SGCZ: variants seen among roughly 807,000 people sequenced by gnomAD.
SGCZ encodes sarcoglycan zeta.
SGCZ carries 40 observed loss-of-function variants against 41.3 expected under a neutral mutation model. That is an observed-to-expected ratio of 0.97 (90% CI 0.75 to 1.26). The LOEUF is 1.26. Ranked by LOEUF, SGCZ falls within the 50% of genes most tolerant of loss-of-function variation. The probability of loss-of-function intolerance (pLI) is 0.00; values close to 1 mark genes in which losing one functional copy is unlikely to be tolerated. For missense variants in SGCZ, 552 were observed against 369.8 expected, an observed-to-expected ratio of 1.49 and a Z score of -4.04; for synonymous variants, 206 against 137.5, an observed-to-expected ratio of 1.50 and a Z score of -3.49.
intron 1 of SGCZ, among the ~76,000 whole-genome samples, chr8:14,590,261 G>A (rs1049991519): frequency 6.6e-6 from 1 of 151,842 alleles, no homozygotes; most frequent in South Asian, 2.1e-4. Context: ...AATATGGTGT[G>A]GTAAGTCATA....
chr8:14,603,248 A>G (rs1183039831), intron 1 of SGCZ, among the ~76,000 whole-genome samples: 1 of 152,200 alleles, frequency 6.6e-6, no homozygotes, highest in Non-Finnish European at 1.5e-5. Flanking sequence ...GTCACTCAGC[A>G]ACGTTAGACA....
intron 1 of SGCZ, among the ~76,000 whole-genome samples, chr8:14,791,237 A>T (rs989984397): frequency 1.3e-5 from 2 of 152,030 alleles, no homozygotes; most frequent in Non-Finnish European, 2.9e-5. Flanking sequence ...TAAATTGTAC[A>T]TTACTTCTTT....
At chr8:14,305,648 C>T (rs75461288) in intron 3 of SGCZ, among the ~76,000 whole-genome samples, 7,497 of 152,234 alleles carry the variant, frequency 0.049, 202 homozygotes, top group Middle Eastern at 0.092. Context: ...AGCTATAAAA[C>T]TATTAAGACA....
intron 1 of SGCZ, among the ~76,000 whole-genome samples, chr8:15,089,932 A>G (rs557803454): frequency 6.6e-6 from 1 of 152,338 alleles, no homozygotes; most frequent in South Asian, 2.1e-4. Flanking sequence ...GCATTTTTTC[A>G]CTAAATATAG....
At chr8:14,385,486 G>C (rs767857385) in intron 2 of SGCZ, among the ~76,000 whole-genome samples, 1 of 152,110 alleles carries the variant, frequency 6.6e-6, no homozygotes, top group Non-Finnish European at 1.5e-5. Flanking sequence ...TTGTGCTATG[G>C]TCCACACCAT....
intron 2 of SGCZ, among the ~76,000 whole-genome samples, chr8:14,480,503 C>A (rs1254711621): frequency 1.3e-5 from 2 of 152,074 alleles, no homozygotes; most frequent in Admixed American, 6.5e-5. Context: ...TACTTAAATC[C>A]ACTTTCATGA....
intron 1 of SGCZ, among the ~76,000 whole-genome samples, chr8:15,226,459 C>T (rs1204427879): frequency 6.6e-6 from 1 of 152,108 alleles, no homozygotes; most frequent in Non-Finnish European, 1.5e-5. Context: ...TTTCACCAAA[C>T]TGAACATTTT....
rs530368829 is a variant in SGCZ, at chr8:14,513,613, G to C, written c.234+41119C>G. On this transcript the variant is annotated intron_variant, in intron 2 of 7. Coordinates refer to ENST00000382080, the MANE Select transcript of SGCZ (RefSeq NM_139167.4). ...TATCTAAGAAAGAGATAATCCAATAGATGCATATTTGATGCATGTTCTTAA... is the reference window on the plus strand; with the variant it reads ...TATCTAAGAAAGAGATAATCCAATACATGCATATTTGATGCATGTTCTTAA... Among the ~76,000 whole-genome samples, 603 of 138,260 alleles carry C rather than the reference G, an allele frequency of 4.4e-3. 8 individuals are homozygous for C. Among genetic ancestry groups the C allele is most frequent in the African/African-American group, 0.016 (570 of 36,322 alleles). The allele number at this position is 138,260 out of a possible 152,430, so 90.7% of individuals were successfully genotyped here.
At chr8:14,324,359 C>A (rs1470901766) in intron 2 of SGCZ, among the ~76,000 whole-genome samples, 155 bp from the exon 3 acceptor site, 1 of 152,022 alleles carries the variant, frequency 6.6e-6, no homozygotes, top group Admixed American at 6.5e-5. Flanking sequence ...ATGTTTGCAG[C>A]CCTTTGCATG....
At chr8:15,133,427 T>C (rs1270967435) in intron 1 of SGCZ, among the ~76,000 whole-genome samples, 4 of 152,142 alleles carry the variant, frequency 2.6e-5, no homozygotes, top group Non-Finnish European at 4.4e-5. Context: ...TTCATAGCCC[T>C]CAGTGAAAAT....
At chr8:14,962,689 T>C (rs1282923377) in intron 1 of SGCZ, among the ~76,000 whole-genome samples, 1 of 152,114 alleles carries the variant, frequency 6.6e-6, no homozygotes, top group Non-Finnish European at 1.5e-5. Flanking sequence ...GCTAAATCAA[T>C]TGGATGTGAA....
chr8:14,162,109 G>A (rs903502912), intron 5 of SGCZ, among the ~76,000 whole-genome samples: 2 of 152,152 alleles, frequency 1.3e-5, no homozygotes, highest in African/African-American at 2.4e-5. Flanking sequence ...TGGCATCGGG[G>A]CTACTAAGCA....
chr8:14,117,360 T>G (rs796962490), intron 5 of SGCZ, among the ~76,000 whole-genome samples: 46 of 148,634 alleles, frequency 3.1e-4, no homozygotes, highest in South Asian at 8.6e-4. Context: ...GGTAGTGTTT[T>G]TTTTTTTTTT....
At chr8:14,769,306 C>A (rs1451718103) in intron 1 of SGCZ, among the ~76,000 whole-genome samples, 1 of 152,040 alleles carries the variant, frequency 6.6e-6, no homozygotes, top group Non-Finnish European at 1.5e-5. Context: ...TGTGAAAAAC[C>A]CTTTCTGCAA....
At chr8:14,868,678 G>C (rs1804025629) in intron 1 of SGCZ, among the ~76,000 whole-genome samples, 2 of 152,072 alleles carry the variant, frequency 1.3e-5, no homozygotes. Flanking sequence ...AAAATGTGAA[G>C]TTACAGAACT....
rs1279789717 is a variant in SGCZ, at chr8:14,691,484, A to C, written c.40-136558T>G. Among the ~76,000 whole-genome samples the C allele has an allele frequency of 3.3e-5, 5 of 152,218 alleles. No homozygotes were observed. The East Asian group carries it at 9.7e-4, about 29-fold the overall frequency. The stretch of plus-strand genomic sequence containing the variant: ...GAAGGGTTACTTAATTATGTCGTCT[A>C]AGTAACCTAATTTATATGATTGTAA... On this transcript the variant is annotated intron_variant, in intron 1 of 7. Coordinates refer to ENST00000382080, the MANE Select transcript of SGCZ (RefSeq NM_139167.4).
chr8:14,786,839 T>TAAA (rs200134491), intron 1 of SGCZ, among the ~76,000 whole-genome samples: 18 of 99,908 alleles, frequency 1.8e-4, no homozygotes, highest in African/African-American at 4.6e-4. Flanking sequence ...AAAGCAGGTT[T>TAAA]AAAAAAAAAA....
intron 1 of SGCZ, among the ~76,000 whole-genome samples, chr8:15,181,820 G>C (rs1800188710): frequency 6.6e-6 from 1 of 152,158 alleles, no homozygotes; most frequent in African/African-American, 2.4e-5. Context: ...TTTATAAGGT[G>C]AAGTGTTATA....
intron 1 of SGCZ, among the ~76,000 whole-genome samples, chr8:15,156,699 T>A (rs1227498015): frequency 1.3e-5 from 2 of 152,136 alleles, no homozygotes; most frequent in East Asian, 1.9e-4. Context: ...ATCCCAGCAT[T>A]CTGGGAGTCC....
Sources: gnomAD v4.1 joint callset for allele counts (sites outside exome capture counted in the v4.1 genomes callset) on GRCh38, gnomAD v4.1.1 for gene constraint, MANE v1.5 for transcripts, NCBI Gene and HGNC (gene_info 2026-07-23, HGNC 2026-07-21) for gene names.